RCBTB2: variants seen among roughly 807,000 people sequenced by gnomAD.
RCBTB2 encodes RCC1 and BTB domain containing protein 2, also known as RCC1 and BTB domain-containing protein 2.
RCBTB2 carries 55 observed loss-of-function variants against 65.4 expected under a neutral mutation model. The observed-to-expected ratio is 0.84, with a 90% CI of 0.68 to 1.05. The LOEUF (loss-of-function observed/expected upper bound fraction) is 1.05, where lower values mean the gene tolerates loss of function less well. Among genes scored for constraint, RCBTB2 ranks in the 50% least tolerant of loss-of-function variants. RCBTB2 has a pLI of 0.00. For synonymous variants in RCBTB2, 220 were observed against 255.2 expected, an observed-to-expected ratio of 0.86 and a Z score of 1.31; for missense variants, 599 against 680.1, an observed-to-expected ratio of 0.88 and a Z score of 1.33.
chr13:48,502,731 G>C lies in RCBTB2; in HGVS notation c.1110C>G (p.Leu370=), dbSNP rs369329602. ...GGACAGTGACCAGCTTACCCACGGA[G>C]AGGAGGCGCCACGTGACGGCGGGCG... The part of the protein sequence containing the change: ...FATPAVTWRL[L]SVEPDDHLTV... Residue 370 remains leucine, a synonymous_variant, in exon 11 of 15, where the codon CTC becomes CTG. Coordinates refer to ENST00000344532, the MANE Select transcript of RCBTB2 (RefSeq NM_001268.4). 1.2e-6 allele frequency: 2 copies of C among 1,610,914 alleles called. No homozygotes were observed. Among genetic ancestry groups the C allele is most frequent in the South Asian group, 1.1e-5 (1 of 90,830 alleles).
intron 12 of RCBTB2, among the ~76,000 whole-genome samples, chr13:48,500,287 C>T (rs148190874): frequency 2.6e-4 from 39 of 152,252 alleles, no homozygotes; most frequent in African/African-American, 7.9e-4. Context: ...GGACAGGGCG[C>T]GGTGGCTCAC....
chr13:48,516,564 T>TA (rs1951102853), intron 4 of RCBTB2, among the ~76,000 whole-genome samples: 1 of 152,164 alleles, frequency 6.6e-6, no homozygotes, highest in African/African-American at 2.4e-5. Flanking sequence ...TGCATCTAAA[T>TA]TTCCCCTTTT....
chr13:48,501,821 C>T lies in RCBTB2; in HGVS notation c.1165G>A (p.Asp389Asn). ...TTCAGGTCTGCAGTGTCCGGGTTGTCAAATTCCCTCTTCAGTGACTCAGCC... is the reference window on the plus strand; with the variant it reads ...TTCAGGTCTGCAGTGTCCGGGTTGTTAAATTCCCTCTTCAGTGACTCAGCC... The part of the protein sequence containing the change: ...TVAESLKREF[D>N]NPDTADLKFL... The change falls in exon 12 of 15, where the codon GAC (aspartate) becomes AAC (asparagine). Residue 389 changes from aspartate to asparagine, a missense_variant. By Grantham distance (23) the Asp-to-Asn change is conservative (BLOSUM62 1). Coordinates refer to ENST00000344532, the MANE Select transcript of RCBTB2 (RefSeq NM_001268.4). 6.2e-7 allele frequency: 1 copy of T among 1,613,936 alleles called. No individual in the cohort carries two copies. The highest frequency in any genetic ancestry group is 8.5e-7 in the Non-Finnish European group (1 of 1,179,818).
intron 2 of RCBTB2, among the ~76,000 whole-genome samples, chr13:48,524,296 C>G (rs1431465374): frequency 1.3e-5 from 2 of 152,268 alleles, no homozygotes; most frequent in East Asian, 3.9e-4. Flanking sequence ...AATATACATA[C>G]AGAAAGCCAT....
intron 1 of RCBTB2, among the ~76,000 whole-genome samples, chr13:48,525,059 T>C (rs1951634035): frequency 6.6e-6 from 1 of 151,902 alleles, no homozygotes; most frequent in Non-Finnish European, 1.5e-5. Flanking sequence ...AGTATTTCCA[T>C]ATGGAAAATA....
chr13:48,505,564 T>C (rs1950459480), intron 10 of RCBTB2, among the ~76,000 whole-genome samples: 1 of 152,202 alleles, frequency 6.6e-6, no homozygotes, highest in South Asian at 2.1e-4. Flanking sequence ...TAGAATAAAC[T>C]TATTCAAAGA....
intron 14 of RCBTB2, among the ~76,000 whole-genome samples, chr13:48,495,455 A>T (rs1169645389): frequency 1.3e-5 from 2 of 152,218 alleles, no homozygotes; most frequent in African/African-American, 4.8e-5. Flanking sequence ...CTTGATATTA[A>T]CATTTTATAA....
intron 3 of RCBTB2, 55 bp from the exon 4 acceptor site, chr13:48,522,017 C>T: frequency 6.8e-7 from 1 of 1,474,464 alleles, no homozygotes; most frequent in Non-Finnish European, 9.3e-7. Flanking sequence ...TGGAACCAGG[C>T]AGGTTAAAAT....
chr13:48,496,422 A>G (rs980012569), intron 13 of RCBTB2, 101 bp from the exon 14 acceptor site: 1 of 1,237,454 alleles, frequency 8.1e-7, no homozygotes, highest in African/African-American at 1.5e-5. Context: ...TATTTTAGAT[A>G]TAATCCTCAG....
At chr13:48,533,190 A>C, upstream of RCBTB2, 1 of 355,980 alleles carries the variant, frequency 2.8e-6, no homozygotes, top group Non-Finnish European at 5.6e-6. Flanking sequence ...GGGAGCGCAG[A>C]CAAGAGGAGG....
rs778167782 is a variant in RCBTB2 at position 48,510,723 on chromosome 13, C to T, written c.832G>A (p.Val278Met). The T allele has an allele frequency of 2.5e-6, 4 of 1,614,162 alleles. No homozygotes were observed. In the East Asian group the frequency reaches 6.7e-5, roughly 27 times the overall value. Reference protein sequence around the residue: ...HTLVLTDEGQVYAWGANSYGQ... With the variant: ...HTLVLTDEGQMYAWGANSYGQ... ...TAAGAATTGGCGCCCCAAGCATACACTTGGCCTTCATCTGTTAATACTAAT... is the reference window on the plus strand; with the variant it reads ...TAAGAATTGGCGCCCCAAGCATACATTTGGCCTTCATCTGTTAATACTAAT... Residue 278 changes from valine (V) to methionine (M), a missense_variant, in exon 10 of 15, where the codon GTG becomes ATG. Transcript: ENST00000344532.
In RCBTB2 at chr13:48,515,330, C is replaced by T; in HGVS notation, c.224G>A (p.Cys75Tyr). 6.2e-7 allele frequency: 1 copy of T among 1,614,002 alleles called. No homozygotes were observed. The change falls in exon 6 of 15, where the codon TGT becomes TAT. Residue 75 changes from cysteine (C) to tyrosine (Y), a missense_variant. Coordinates refer to ENST00000344532, the MANE Select transcript of RCBTB2 (RefSeq NM_001268.4). Reference sequence around the variant, plus strand: ...GACGTCACCTAACCCCAAACAGCCACAGCAGTTTGTGCCAAGCACAAAAAT... The same window carrying T: ...GACGTCACCTAACCCCAAACAGCCATAGCAGTTTGTGCCAAGCACAAAAAT... ...DEIFVLGTNC[C>Y]GCLGLGDVQS...
At chr13:48,513,761 A>C (rs1330098348) in intron 6 of RCBTB2, among the ~76,000 whole-genome samples, 1 of 152,198 alleles carries the variant, frequency 6.6e-6, no homozygotes, top group Non-Finnish European at 1.5e-5. Flanking sequence ...GGTGTCTGAT[A>C]ATTTTAATGC....
At chr13:48,510,832 A>T in intron 9 of RCBTB2, 61 bp from the exon 10 acceptor site, 1 of 1,524,302 alleles carries the variant, frequency 6.6e-7, no homozygotes, top group Non-Finnish European at 9.0e-7. Context: ...CTGCTTCCAC[A>T]AAGTAGGTTA....
In RCBTB2 at chr13:48,493,289, C is replaced by CA. The variant is rs1949796473; in HGVS notation, c.1515+2901_1515+2902insT. ...TCTCTCTCTCACCCTCTCTCTCTCTCCACACACACACACACACACACACAC... is the reference window on the plus strand; with the variant it reads ...TCTCTCTCTCACCCTCTCTCTCTCTCACACACACACACACACACACACACAC... On this transcript the variant is annotated intron_variant, in intron 14 of 14. Coordinates refer to ENST00000344532, the MANE Select transcript of RCBTB2 (RefSeq NM_001268.4). Among the ~76,000 whole-genome samples the CA allele has an allele frequency of 5.4e-4, 55 of 102,340 alleles. 2 individuals are homozygous for CA. Among genetic ancestry groups the CA allele is most frequent in the African/African-American group, 2.9e-3 (54 of 18,382 alleles). The allele number at this position is 102,340 out of a possible 152,430, so 67.1% of individuals were successfully genotyped here.
rs1950882596 is a variant in RCBTB2 at position 48,512,886 on chromosome 13, A to C, written c.359T>G (p.Val120Gly). 6.2e-7 allele frequency: 1 copy of C among 1,605,584 alleles called. No homozygotes were observed. ...HIVLATTEGE[V>G]FTWGHNAYSQ... Reference sequence around the variant, plus strand: ...ATAAGCATTATGACCCCAGGTAAAGACTTCTCCTTCTGAAAATAAAAAGAA... The same window carrying C: ...ATAAGCATTATGACCCCAGGTAAAGCCTTCTCCTTCTGAAAATAAAAAGAA... The change falls in exon 7 of 15, where the codon GTC (valine) becomes GGC (glycine). Residue 120 changes from valine (V) to glycine (G), a missense_variant. Transcript: ENST00000344532.
At chr13:48,511,654 A>G in intron 9 of RCBTB2, 116 bp downstream of exon 9, 1 of 827,640 alleles carries the variant, frequency 1.2e-6, no homozygotes, top group Non-Finnish European at 1.8e-6. Context: ...ACTTTAATGA[A>G]GACATCCAAG....
Position 48,510,735 on chromosome 13 carries a change from CTGTTAATACTAATGTG to C in RCBTB2, c.804_819del (p.His268GlnfsTer70). The C allele has an allele frequency of 6.2e-7, 1 of 1,614,106 alleles. No individual in the cohort carries two copies. Among genetic ancestry groups the C allele is most frequent in the East Asian group, 2.2e-5 (1 of 44,870 alleles). On this transcript the variant is annotated frameshift_variant, in exon 10 of 15. Transcript: ENST00000344532. LOFTEE classifies it high-confidence loss of function. ...CCCCAAGCATACACTTGGCCTTCAT[CTGTTAATACTAATGTG>C]TGTGCGTAGCCACAGGCGACCTGGA... is the stretch of plus-strand genomic sequence containing the variant.
rs1284845923 is a variant in RCBTB2, at chr13:48,527,336, TG to T, written c.-218-2580del. Among the ~76,000 whole-genome samples, 868 of 124,632 alleles carry T rather than the reference TG, an allele frequency of 7.0e-3. 41 individuals are homozygous for T. Among genetic ancestry groups the T allele is most frequent in the African/African-American group, 0.04 (814 of 20,192 alleles). 81.8% of individuals were successfully genotyped at this position (124,632 alleles called of 152,430 possible). ...GACTTGGCTCATATATATATATATA[TG>T]ATATATATATATATGATATATATTT... On this transcript the variant is annotated intron_variant, in intron 1 of 14. Transcript: ENST00000344532.
Sources: allele counts gnomAD v4.1 joint callset (sites outside exome capture counted in the v4.1 genomes callset), GRCh38; gene constraint gnomAD v4.1.1; transcripts MANE v1.5; gene names NCBI Gene and HGNC (gene_info 2026-07-23, HGNC 2026-07-21).